The following HEPH variants were observed in gnomAD, a reference collection of about 807,000 sequenced individuals.
The protein encoded by HEPH is hephaestin.
In HEPH, 69 loss-of-function variants were observed where a neutral mutation model predicts 80.8. The observed-to-expected ratio is 0.85, with a 90% CI of 0.70 to 1.04. The LOEUF (loss-of-function observed/expected upper bound fraction) is 1.04. Ranked by LOEUF, HEPH falls within the 50% of genes least tolerant of loss-of-function variation. The probability of loss-of-function intolerance (pLI) is 0.00; values close to 1 mark genes in which losing one functional copy is unlikely to be tolerated. For synonymous variants in HEPH, 431 were observed against 322.8 expected (o/e 1.34, Z -3.60); for missense variants, 1,115 against 891.3 (o/e 1.25, Z -3.20).
At chrX:66,199,842 T>A (rs2088328198) in intron 11 of HEPH, among the ~76,000 whole-genome samples, 1 of 111,554 alleles carries the variant, frequency 9.0e-6, no homozygotes, top group South Asian at 3.7e-4. Context: ...AAAGAGGAAA[T>A]CATGTGAAAA....
At chrX:66,258,799 C>A (rs2091263340) in intron 17 of HEPH, 41 bp from the exon 18 acceptor site, 1 of 1,045,970 alleles carries the variant, frequency 9.6e-7, no homozygotes, top group Middle Eastern at 2.6e-4. Context: ...ATGTAAGAAG[C>A]TTTTTCTTTT....
chrX:66,216,986 C>A (rs1345867319), intron 15 of HEPH, among the ~76,000 whole-genome samples: 1 of 110,520 alleles, frequency 9.0e-6, no homozygotes, highest in African/African-American at 3.3e-5. Context: ...CAACAAAGAC[C>A]AAGAAAAAAT....
chrX:66,204,980 T>C (rs1187713490), intron 13 of HEPH, among the ~76,000 whole-genome samples: 1 of 112,015 alleles, frequency 8.9e-6, no homozygotes, highest in African/African-American at 3.2e-5. Context: ...ATGGGTATAT[T>C]GTGCAATGCT....
chrX:66,261,047 G>A (rs2091344254), intron 19 of HEPH, among the ~76,000 whole-genome samples: 1 of 112,039 alleles, frequency 8.9e-6, no homozygotes, highest in Non-Finnish European at 1.9e-5. Context: ...AAAGTGCTGG[G>A]ATTGCAGGCA....
At chrX:66,263,765 G>T in intron 20 of HEPH, 77 bp downstream of exon 20, 3 of 962,993 alleles carry the variant, frequency 3.1e-6, no homozygotes, top group Non-Finnish European at 4.4e-6. Flanking sequence ...TACCTTTAGG[G>T]TATGGGACTT....
intron 6 of HEPH, among the ~76,000 whole-genome samples, chrX:66,190,705 G>A (rs1394034822): frequency 1.8e-5 from 2 of 111,931 alleles, no homozygotes; most frequent in African/African-American, 6.5e-5. Context: ...TCAGAAAAAT[G>A]ATATGTGAGT....
chrX:66,170,771 G>A (rs1310424416), intron 2 of HEPH, 34 bp downstream of exon 2: 1 of 1,154,706 alleles, frequency 8.7e-7, no homozygotes, highest in African/African-American at 1.8e-5. Flanking sequence ...TTGAGGGGAA[G>A]TTATGGGAGC....
chrX:66,268,467 C>CT (rs2091585695), downstream of HEPH: 1 of 111,990 alleles, frequency 8.9e-6, no homozygotes, highest in African/African-American at 3.2e-5. Context: ...GGCTAGTTAT[C>CT]CAAGAGTTAG....
chrX:66,220,807 A>G (rs942401568), intron 15 of HEPH, among the ~76,000 whole-genome samples: 3 of 111,271 alleles, frequency 2.7e-5, no homozygotes, highest in Admixed American at 9.5e-5. Flanking sequence ...ATCTTACTTC[A>G]AAAACTGTGG....
In HEPH at chrX:66,181,696, T is replaced by G. The variant is rs1310170789; in HGVS notation, c.626-6663T>G. 1.6e-3 allele frequency among the ~76,000 whole-genome samples: 68 copies of G among 41,950 alleles called. 1 individual carries two copies. The highest frequency in any genetic ancestry group is 3.6e-3 in the South Asian group (2 of 560). The allele number at this position is 41,950 out of a possible 115,157, so 36.4% of individuals were successfully genotyped here. ...TTTCTTTTGCTGTGCAGAAGCTCTT[T>G]AGTTTAATTAGATCCCATTTGTCAA... On this transcript the variant is annotated intron_variant, in intron 4 of 20. Coordinates refer to ENST00000343002, the MANE Select transcript of HEPH (RefSeq NM_001367233.3).
At position 66,170,618 on chromosome X, in the gene HEPH, G is replaced by A. The variant is rs2086552026; in HGVS notation, c.48G>A (p.Leu16=). The A allele has an allele frequency of 8.3e-7, 1 of 1,210,775 alleles. No homozygotes were observed. Among genetic ancestry groups the A allele is most frequent in the Non-Finnish European group, 1.1e-6 (1 of 894,902 alleles). Residue 16 remains leucine (L), a synonymous_variant, in exon 2 of 21, where the codon TTG becomes TTA. Coordinates refer to ENST00000343002, the MANE Select transcript of HEPH (RefSeq NM_001367233.3). ...GGGCTCTGCTGTTCATGCAGTCCTT[G>A]TGGCCTCAACTGACTGATGGAGCCA... ...LLWALLFMQS[L]WPQLTDGATR...
At chrX:66,204,243 A>G (rs1373166241) in intron 13 of HEPH, among the ~76,000 whole-genome samples, 1 of 112,074 alleles carries the variant, frequency 8.9e-6, no homozygotes, top group African/African-American at 3.2e-5. Context: ...TATGGCCATA[A>G]TTGGCTGCAA....
At chrX:66,225,714 G>C (rs752930210) in intron 15 of HEPH, among the ~76,000 whole-genome samples, 1 of 112,617 alleles carries the variant, frequency 8.9e-6, no homozygotes, top group East Asian at 2.8e-4. Flanking sequence ...GCACTCTCAG[G>C]ATCTGTGTCA....
intron 1 of HEPH, 64 bp from the exon 2 acceptor site, chrX:66,170,494 C>A (rs752077483): frequency 9.8e-7 from 1 of 1,015,540 alleles, no homozygotes; most frequent in African/African-American, 1.9e-5. Flanking sequence ...GTTTTCTGGA[C>A]ACGTAGAAAG....
chrX:66,205,908 A>C (rs939183629), intron 13 of HEPH, among the ~76,000 whole-genome samples: 2 of 111,381 alleles, frequency 1.8e-5, no homozygotes, highest in African/African-American at 6.5e-5. Context: ...AGGACTAGAA[A>C]ACGAGGGAGG....
At chrX:66,249,495 C>T (rs763314235) in intron 15 of HEPH, among the ~76,000 whole-genome samples, 8 of 111,419 alleles carry the variant, frequency 7.2e-5, no homozygotes, top group Non-Finnish European at 1.3e-4. Context: ...AAAGTTTGTA[C>T]TTGTCACCCA....
intron 15 of HEPH, among the ~76,000 whole-genome samples, chrX:66,245,667 A>C (rs707299): frequency 0.38 from 41,567 of 110,432 alleles, 9,375 homozygotes; most frequent in African/African-American, 0.86. Context: ...TCCAAATCAA[A>C]AGAATATACA....
intron 15 of HEPH, among the ~76,000 whole-genome samples, chrX:66,226,533 TTGA>T (rs1212433364): frequency 9.0e-6 from 1 of 111,694 alleles, no homozygotes; most frequent in Non-Finnish European, 1.9e-5. Flanking sequence ...ACAAATAAAA[TTGA>T]TAGACCGTTA....
chrX:66,187,248 G>T (rs1470298677), intron 4 of HEPH, among the ~76,000 whole-genome samples: 1 of 109,992 alleles, frequency 9.1e-6, no homozygotes, highest in Non-Finnish European at 1.9e-5. Flanking sequence ...TCGTTTTCAG[G>T]TAAATCAGGG....
Sources: allele counts gnomAD v4.1 joint callset (sites outside exome capture counted in the v4.1 genomes callset), GRCh38; gene constraint gnomAD v4.1.1; transcripts MANE v1.5; gene names NCBI Gene and HGNC (gene_info 2026-07-23, HGNC 2026-07-21).